CFAP58: variants seen among roughly 807,000 people sequenced by gnomAD.
CFAP58 encodes cilia and flagella associated protein 58.
A neutral mutation model predicts 119.5 loss-of-function variants in CFAP58; 88 were observed. The observed-to-expected ratio is 0.74, with a 90% CI of 0.62 to 0.88. The LOEUF is 0.88. CFAP58 is among the 40% of genes least tolerant of loss of function. The pLI is 0.00. For synonymous variants in CFAP58, 365 were observed against 366.3 expected (o/e 1.00, Z 0.04); for missense variants, 990 against 1,021.2 (o/e 0.97, Z 0.42).
chr10:104,348,920 A>G (rs1457825994), upstream of CFAP58, among the ~76,000 whole-genome samples: 1 of 152,178 alleles, frequency 6.6e-6, no homozygotes, highest in Non-Finnish European at 1.5e-5. Flanking sequence ...TAGGGCTGTT[A>G]TAACAAAATA....
chr10:104,395,847 G>T (rs953569837), intron 11 of CFAP58, among the ~76,000 whole-genome samples: 1 of 152,218 alleles, frequency 6.6e-6, no homozygotes, highest in Non-Finnish European at 1.5e-5. Context: ...TAGCCTGTAA[G>T]ATACCCTTGG....
chr10:104,449,975 C>A, intron 16 of CFAP58, 96 bp from the exon 17 acceptor site: 4 of 1,253,464 alleles, frequency 3.2e-6, no homozygotes, highest in Non-Finnish European at 4.4e-6. Flanking sequence ...TTGTTTTGCA[C>A]CTCTAGCTCC....
chr10:104,411,915 C>T (rs150487058), intron 15 of CFAP58, among the ~76,000 whole-genome samples: 53 of 152,228 alleles, frequency 3.5e-4, no homozygotes, highest in African/African-American at 1.2e-3. Flanking sequence ...AGTACTAACA[C>T]CCACTTCACA....
At chr10:104,395,869 C>T (rs183497894) in intron 11 of CFAP58, among the ~76,000 whole-genome samples, 43 of 152,260 alleles carry the variant, frequency 2.8e-4, no homozygotes, top group Admixed American at 1.4e-3. Flanking sequence ...CAGGACAATT[C>T]AATTTATGAC....
At chr10:104,441,653 G>T (rs1032289571) in intron 15 of CFAP58, among the ~76,000 whole-genome samples, 1 of 152,150 alleles carries the variant, frequency 6.6e-6, no homozygotes, top group African/African-American at 2.4e-5. Flanking sequence ...TTTTCCTATT[G>T]TTACAAAAAT....
the CFAP58 span, among the ~76,000 whole-genome samples, chr10:104,346,623 G>A: frequency 2.9e-4 from 36 of 123,830 alleles, no homozygotes; most frequent in South Asian, 8.8e-3. Flanking sequence ...GTTGTATGGA[G>A]CCATTTAGTC....
intron 15 of CFAP58, among the ~76,000 whole-genome samples, chr10:104,431,666 C>T (rs751339228): frequency 1.6e-4 from 25 of 152,110 alleles, no homozygotes; most frequent in African/African-American, 2.9e-4. Context: ...ATGAAAACTT[C>T]GTGTCCCTTC....
chr10:104,386,377 CAAA>C (rs71482427), intron 9 of CFAP58, among the ~76,000 whole-genome samples: 2 of 133,438 alleles, frequency 1.5e-5, no homozygotes, highest in African/African-American at 2.7e-5. Context: ...ACCACCATCT[CAAA>C]AAAAAAAAAA....
upstream of CFAP58, chr10:104,353,666 A>C: frequency 3.8e-6 from 2 of 529,878 alleles, no homozygotes; most frequent in Non-Finnish European, 3.4e-6. Flanking sequence ...TATTTCTCTG[A>C]GGAACCCTGC....
intron 13 of CFAP58, among the ~76,000 whole-genome samples, chr10:104,401,180 G>T (rs554174200): frequency 2.6e-5 from 4 of 152,204 alleles, no homozygotes; most frequent in South Asian, 4.1e-4. Flanking sequence ...TTTTACAAAA[G>T]AATTTTCAAG....
chr10:104,406,564 TTC>T, intron 14 of CFAP58, 123 bp from the exon 15 acceptor site: 1 of 679,462 alleles, frequency 1.5e-6, no homozygotes. Flanking sequence ...TTGGTTCTAA[TTC>T]TCTCTGTATT....
intron 15 of CFAP58, among the ~76,000 whole-genome samples, chr10:104,443,646 T>C (rs1328639026): frequency 6.6e-6 from 1 of 152,234 alleles, no homozygotes; most frequent in African/African-American, 2.4e-5. Context: ...GTGAACTACC[T>C]TCTGTTTTCA....
At chr10:104,344,848 A>G in the CFAP58 span, among the ~76,000 whole-genome samples, 2 of 152,040 alleles carry the variant, frequency 1.3e-5, no homozygotes, top group South Asian at 2.1e-4. Context: ...CAAGAAAGCA[A>G]CATACCTAAC....
At chr10:104,410,080 C>G (rs986565417) in intron 15 of CFAP58, among the ~76,000 whole-genome samples, 6 of 152,170 alleles carry the variant, frequency 3.9e-5, no homozygotes, top group Non-Finnish European at 7.4e-5. Flanking sequence ...ATAATATTCT[C>G]TCTCTGTCTC....
In CFAP58 at chr10:104,362,991, G is replaced by A. The variant is rs553827116; in HGVS notation, c.440+820G>A. ...TTGCTTTCCATGCTCAGAGTGCCTTGTCTTCCATTCTCCCCATGGTCAACT... is the reference window on the plus strand; with the variant it reads ...TTGCTTTCCATGCTCAGAGTGCCTTATCTTCCATTCTCCCCATGGTCAACT... On this transcript the variant is annotated intron_variant, in intron 3 of 17. Transcript: ENST00000369704. Among the ~76,000 whole-genome samples, 4 of 152,282 alleles carry A rather than the reference G, an allele frequency of 2.6e-5. No homozygotes were observed. The South Asian group carries it at 8.3e-4, about 32-fold the overall frequency.
Position 104,371,067 on chromosome 10 carries a change from G to T in CFAP58, c.1090+13G>T. The T allele has an allele frequency of 6.3e-7, 1 of 1,593,088 alleles. No individual in the cohort carries two copies. The highest frequency in any genetic ancestry group is 8.5e-7 in the Non-Finnish European group (1 of 1,173,132). On this transcript the variant is annotated intron_variant, in intron 7 of 17. Coordinates refer to ENST00000369704, the MANE Select transcript of CFAP58 (RefSeq NM_001008723.2). ...GGATTAGAGAGAGGTAAACCATTTT[G>T]CGCTTTTATTCATTTAGAAACATTT...
At chr10:104,339,504 C>T in the CFAP58 span, among the ~76,000 whole-genome samples, 1 of 152,200 alleles carries the variant, frequency 6.6e-6, no homozygotes, top group Non-Finnish European at 1.5e-5. Context: ...GCTTTGGGGG[C>T]ACCAAATGCC....
chr10:104,439,231 T>C (rs1171201434), intron 15 of CFAP58, among the ~76,000 whole-genome samples: 1 of 152,210 alleles, frequency 6.6e-6, no homozygotes, highest in East Asian at 1.9e-4. Flanking sequence ...AGTTGGGTGA[T>C]GGGTTTACCC....
chr10:104,451,173 T>A (rs2013190147), intron 17 of CFAP58, among the ~76,000 whole-genome samples: 2 of 152,186 alleles, frequency 1.3e-5, no homozygotes, highest in Non-Finnish European at 2.9e-5. Flanking sequence ...TGGGCTGAAA[T>A]TCATGCTTGG....
Sources: allele counts gnomAD v4.1 joint callset (sites outside exome capture counted in the v4.1 genomes callset), GRCh38; gene constraint gnomAD v4.1.1; transcripts MANE v1.5; gene names NCBI Gene and HGNC (gene_info 2026-07-23, HGNC 2026-07-21).